BAAT: variants seen among roughly 807,000 people sequenced by gnomAD.
The protein encoded by BAAT is bile acid-CoA:amino acid N-acyltransferase.
Under a neutral mutation model 18.9 loss-of-function variants are expected in BAAT, and 13 were observed. The ratio of observed to expected loss-of-function variants is 0.69; its 90% CI spans 0.45 to 1.10. The LOEUF is 1.10. Ranked by LOEUF, BAAT falls within the 50% of genes least tolerant of loss-of-function variation. The pLI is 0.00. For missense variants in BAAT, 489 were observed against 504.0 expected (o/e 0.97, Z 0.28); for synonymous variants, 170 against 190.7 (o/e 0.89, Z 0.89).
intron 1 of BAAT, among the ~76,000 whole-genome samples, chr9:101,382,549 G>C (rs564089561): frequency 1.3e-5 from 2 of 152,296 alleles, no homozygotes; most frequent in African/African-American, 2.4e-5. Context: ...TGACCTCCAA[G>C]ATGCCTGCTT....
chr9:101,379,454 T>C (rs768630141), intron 1 of BAAT, among the ~76,000 whole-genome samples: 3 of 152,226 alleles, frequency 2.0e-5, no homozygotes, highest in Non-Finnish European at 4.4e-5. Context: ...TATTTAAAAG[T>C]TCCAAAAAAG....
At chr9:101,367,421 A>G (rs1471119818) in intron 3 of BAAT, among the ~76,000 whole-genome samples, 1 of 152,182 alleles carries the variant, frequency 6.6e-6, no homozygotes, top group Non-Finnish European at 1.5e-5. Context: ...GTCAGATCAC[A>G]GAAAGTTTTG....
At chr9:101,380,437 CT>C (rs1400597417) in intron 1 of BAAT, among the ~76,000 whole-genome samples, 17 of 152,262 alleles carry the variant, frequency 1.1e-4, no homozygotes, top group African/African-American at 3.6e-4. Flanking sequence ...TTGTCACTCT[CT>C]TTGTTCAGTG....
intron 3 of BAAT, among the ~76,000 whole-genome samples, chr9:101,367,116 G>GAAAAAA (rs66591298): frequency 7.0e-5 from 7 of 99,668 alleles, no homozygotes; most frequent in South Asian, 3.7e-4. Context: ...GTCAAAAAAA[G>GAAAAAA]AAAAAAAAAA....
chr9:101,365,451 CA>C (rs1829810278), intron 3 of BAAT, among the ~76,000 whole-genome samples: 1 of 151,682 alleles, frequency 6.6e-6, no homozygotes, highest in South Asian at 2.1e-4. Context: ...GTATATTTAA[CA>C]GGGGTGGCTT....
rs1205189300 is a variant in BAAT at position 101,370,956 on chromosome 9, G to GCTC, written c.446_448dup (p.Gly149dup). The GCTC allele has an allele frequency of 6.2e-7, 1 of 1,613,998 alleles. No homozygotes were observed. Among genetic ancestry groups the GCTC allele is most frequent in the Non-Finnish European group, 8.5e-7 (1 of 1,180,014 alleles). ...CTACTCACCTGGAGGGAGAAAGAGA[G>GCTC]CTCCTCGAAGGCGGCCTTCTCGAAC... On this transcript the variant is annotated inframe_insertion, in exon 2 of 4. Coordinates refer to ENST00000259407, the MANE Select transcript of BAAT (RefSeq NM_001701.4).
chr9:101,367,170 G>A (rs1175696859), intron 3 of BAAT, among the ~76,000 whole-genome samples: 1 of 150,604 alleles, frequency 6.6e-6, no homozygotes, highest in Non-Finnish European at 1.5e-5. Context: ...AATTAACAAG[G>A]TTTAATAAAC....
At chr9:101,377,694 C>A (rs1430593456) in intron 1 of BAAT, among the ~76,000 whole-genome samples, 1 of 152,074 alleles carries the variant, frequency 6.6e-6, no homozygotes, top group African/African-American at 2.4e-5. Context: ...AAAACCAGCA[C>A]AAGACAAGGA....
intron 3 of BAAT, among the ~76,000 whole-genome samples, chr9:101,365,339 C>T (rs550843976): frequency 6.6e-6 from 1 of 151,678 alleles, no homozygotes; most frequent in Non-Finnish European, 1.5e-5. Context: ...CAATATACAA[C>T]TCATGCCAAG....
chr9:101,366,320 TC>T (rs1234216183), intron 3 of BAAT, among the ~76,000 whole-genome samples: 2 of 152,162 alleles, frequency 1.3e-5, no homozygotes, highest in Non-Finnish European at 2.9e-5. Flanking sequence ...AAACAGTAAC[TC>T]TTGTTACAAC....
intron 3 of BAAT, among the ~76,000 whole-genome samples, chr9:101,363,377 C>T (rs963400074): frequency 6.6e-6 from 1 of 152,016 alleles, no homozygotes. Flanking sequence ...GGAAAGGGCA[C>T]CTTGTAGGAA....
intron 3 of BAAT, among the ~76,000 whole-genome samples, chr9:101,367,116 G>GAA (rs66591298): frequency 3.0e-5 from 3 of 99,674 alleles, no homozygotes; most frequent in Non-Finnish European, 3.8e-5. Context: ...GTCAAAAAAA[G>GAA]AAAAAAAAAA....
At chr9:101,372,086 T>C (rs991762626) in intron 1 of BAAT, among the ~76,000 whole-genome samples, 3 of 152,092 alleles carry the variant, frequency 2.0e-5, no homozygotes, top group Admixed American at 2.0e-4. Context: ...TTCTCAATTA[T>C]AAGTGGGAGC....
At chr9:101,370,798 G>A (rs1398584035) in intron 2 of BAAT, 141 bp downstream of exon 2, 2 of 931,926 alleles carry the variant, frequency 2.1e-6, no homozygotes, top group Non-Finnish European at 3.4e-6. Context: ...AATTTCTGGA[G>A]GGATAATGCA....
chr9:101,368,091 C>T, intron 3 of BAAT, 29 bp downstream of exon 3: 13 of 1,597,814 alleles, frequency 8.1e-6, no homozygotes, highest in Non-Finnish European at 1.0e-5. Flanking sequence ...ACCCCAGGGA[C>T]TCAAACCTAC....
At position 101,362,645 on chromosome 9, in the gene BAAT, T is replaced by C. The variant is rs781697749; in HGVS notation, c.1040A>G (p.His347Arg). 12 of 1,614,168 alleles carry C rather than the reference T, an allele frequency of 7.4e-6. No individual in the cohort carries two copies. The East Asian group carries it at 8.9e-5, about 12-fold the overall frequency. The stretch of plus-strand genomic sequence containing the variant: ...TAGCAGGGTCCAGTTGTTCTTCCCA[T>C]GTCTCTTCAGCTGTCCTATGGCTTG... Reference protein sequence around the residue: ...AEQAIGQLKRHGKNNWTLLSY... With the variant: ...AEQAIGQLKRRGKNNWTLLSY... Residue 347 changes from histidine to arginine, a missense_variant, in exon 4 of 4, where the codon CAT becomes CGT. By Grantham distance (29) the His-to-Arg change is conservative. Transcript: ENST00000259407.
chr9:101,382,733 A>G (rs1830151517), intron 1 of BAAT, among the ~76,000 whole-genome samples: 1 of 152,174 alleles, frequency 6.6e-6, no homozygotes, highest in South Asian at 2.1e-4. Context: ...CAGATTTGCC[A>G]CCAGTAACTC....
Position 101,368,309 on chromosome 9 carries a change from G to A in BAAT, c.480C>T (p.Phe160=). ...CACCAAACAAATCAATTACCCCTGG[G>A]AAGAGACCCTCTCCTGAAAAATAAC... The part of the protein sequence containing the change: ...ALFLPPGEGL[F]PGVIDLFGGL... Residue 160 remains phenylalanine, a synonymous_variant, in exon 3 of 4, where the codon TTC becomes TTT. Transcript: ENST00000259407. 6.2e-7 allele frequency: 1 copy of A among 1,612,324 alleles called. No homozygotes were observed. Among genetic ancestry groups the A allele is most frequent in the Non-Finnish European group, 8.5e-7 (1 of 1,179,920 alleles).
At position 101,371,479 on chromosome 9, in the gene BAAT, AAG is replaced by A. The variant is rs1564056579; in HGVS notation, c.-59-18_-59-17del. On this transcript the variant is annotated splice_polypyrimidine_tract_variant and intron_variant, in intron 1 of 3. Coordinates refer to ENST00000259407, the MANE Select transcript of BAAT (RefSeq NM_001701.4). ...ACCTCAAAACCTCAAAAAAGAAAGAAAGAGGAGCAGTAAAATAAAGTAGAGAT... is the reference window on the plus strand; with the variant it reads ...ACCTCAAAACCTCAAAAAAGAAAGAAAGGAGCAGTAAAATAAAGTAGAGAT... The A allele has an allele frequency of 1.4e-6, 2 of 1,396,974 alleles. No individual in the cohort carries two copies. Among genetic ancestry groups the A allele is most frequent in the Non-Finnish European group, 2.0e-6 (2 of 1,009,780 alleles). The allele number at this position is 1,396,974 out of a possible 1,614,324, so 86.5% of individuals were successfully genotyped here. A position where few individuals can be genotyped will look rare whatever the true frequency, so the allele number is the denominator to read the frequency against.
Sources: gnomAD v4.1 joint callset for allele counts (sites outside exome capture counted in the v4.1 genomes callset) on GRCh38, gnomAD v4.1.1 for gene constraint, MANE v1.5 for transcripts, NCBI Gene and HGNC (gene_info 2026-07-23, HGNC 2026-07-21) for gene names.